PRKCH: variants seen among roughly 807,000 people sequenced by gnomAD.
PRKCH encodes protein kinase C eta type.
In PRKCH, 28 loss-of-function variants were observed where a neutral mutation model predicts 82.5. The ratio of observed to expected loss-of-function variants is 0.34; its 90% CI spans 0.25 to 0.47. The LOEUF (loss-of-function observed/expected upper bound fraction) is 0.47, where lower values mean the gene tolerates loss of function less well. Among genes scored for constraint, PRKCH ranks in the 20% least tolerant of loss-of-function variants. PRKCH has a pLI of 1.00. For missense variants in PRKCH, 705 were observed against 881.8 expected, an observed-to-expected ratio of 0.80 and a Z score of 2.54; for synonymous variants, 322 against 327.4, an observed-to-expected ratio of 0.98 and a Z score of 0.18.
intron 1 of PRKCH, among the ~76,000 whole-genome samples, chr14:61,208,647 G>A (rs942144494): frequency 5.3e-5 from 8 of 152,172 alleles, no homozygotes; most frequent in Middle Eastern, 3.4e-3. Flanking sequence ...GTCTTTAAGC[G>A]AACCAGGCAT....
At chr14:61,489,869 A>G (rs1886384273) in intron 10 of PRKCH, among the ~76,000 whole-genome samples, 1 of 152,146 alleles carries the variant, frequency 6.6e-6, no homozygotes, top group Admixed American at 6.5e-5. Context: ...TTAAAGGGAA[A>G]CTCAGCTGTC....
intron 1 of PRKCH, among the ~76,000 whole-genome samples, chr14:61,329,021 A>C (rs1261857151): frequency 2.0e-5 from 3 of 151,448 alleles, no homozygotes; most frequent in Non-Finnish European, 2.9e-5. Flanking sequence ...AGTCAACTAG[A>C]TTGTGTTCCC....
chr14:61,342,279 A>G (rs1023884784), intron 1 of PRKCH, among the ~76,000 whole-genome samples: 1 of 151,976 alleles, frequency 6.6e-6, no homozygotes, highest in East Asian at 1.9e-4. Context: ...ATTAGCATAT[A>G]ATATGATCAA....
intron 1 of PRKCH, among the ~76,000 whole-genome samples, chr14:61,246,411 GA>G (rs56223735): frequency 6.8e-6 from 1 of 146,772 alleles, no homozygotes; most frequent in African/African-American, 2.5e-5. Context: ...CTGTCTCAAA[GA>G]AAAAAAAAAA....
intron 1 of PRKCH, among the ~76,000 whole-genome samples, chr14:61,209,561 T>A (rs1381583606): frequency 1.3e-5 from 2 of 151,850 alleles, no homozygotes; most frequent in Non-Finnish European, 2.9e-5. Context: ...CATTAAAGGA[T>A]CCTTATACAG....
chr14:61,333,887 T>C (rs1187853791), intron 1 of PRKCH, among the ~76,000 whole-genome samples: 1 of 152,126 alleles, frequency 6.6e-6, no homozygotes, highest in Non-Finnish European at 1.5e-5. Context: ...TAAGACAAAA[T>C]GATGAGATTG....
At position 61,513,723 on chromosome 14, in the gene PRKCH, A is replaced by G. The variant is rs142430751; in HGVS notation, c.1434-15352A>G. The stretch of plus-strand genomic sequence containing the variant: ...TATTGTCATGTAGTATGACAGTATG[A>G]TAGTTTGTCATACTGTCAAATAGTT... On this transcript the variant is annotated intron_variant, in intron 10 of 13. Coordinates refer to ENST00000332981, the MANE Select transcript of PRKCH (RefSeq NM_006255.5). Among the ~76,000 whole-genome samples the G allele has an allele frequency of 2.5e-3, 388 of 152,254 alleles. 2 individuals are homozygous for G. Among genetic ancestry groups the G allele is most frequent in the African/African-American group, 9.0e-3 (373 of 41,512 alleles).
At chr14:61,205,032 G>A (rs995609477) in intron 1 of PRKCH, among the ~76,000 whole-genome samples, 16 of 152,010 alleles carry the variant, frequency 1.1e-4, no homozygotes, top group African/African-American at 3.9e-4. Flanking sequence ...TCTAATTTAA[G>A]CTTAATATAG....
At chr14:61,418,249 G>A (rs1882663229) in intron 2 of PRKCH, among the ~76,000 whole-genome samples, 1 of 152,214 alleles carries the variant, frequency 6.6e-6, no homozygotes, top group African/African-American at 2.4e-5. Flanking sequence ...GACAGGTCGA[G>A]CTCATTCATT....
intron 10 of PRKCH, among the ~76,000 whole-genome samples, chr14:61,516,961 G>A (rs2042837549): frequency 6.6e-6 from 1 of 152,144 alleles, no homozygotes; most frequent in Non-Finnish European, 1.5e-5. Context: ...GAGTGGTTCT[G>A]AAGTGCAAGT....
At chr14:61,464,375 GT>G (rs558783114) in intron 9 of PRKCH, among the ~76,000 whole-genome samples, 19 of 137,292 alleles carry the variant, frequency 1.4e-4, no homozygotes, top group Admixed American at 1.4e-4. Context: ...GTTTTGTTTT[GT>G]TTTTTTTTTT....
In PRKCH at chr14:61,280,120, T is replaced by G. The variant is rs1475102648; in HGVS notation, c.-19+92452T>G. On this transcript the variant is annotated intron_variant, in intron 1 of 3. Transcript: ENST00000555185. The surrounding 1 kb of genome is among the most constrained non-coding windows in gnomAD (Gnocchi z 5.0). ...CTCCTCGTCGTCGTCGTCCTGGTCCTGGTAGCGAATGTAGACGACCAGCAT... is the reference window on the plus strand; with the variant it reads ...CTCCTCGTCGTCGTCGTCCTGGTCCGGGTAGCGAATGTAGACGACCAGCAT... The G allele has an allele frequency of 2.5e-6, 4 of 1,613,490 alleles. No homozygotes were observed. Among genetic ancestry groups the G allele is most frequent in the Non-Finnish European group, 3.4e-6 (4 of 1,179,708 alleles).
chr14:61,541,236 C>T (rs1052879788), intron 12 of PRKCH, among the ~76,000 whole-genome samples: 5 of 152,364 alleles, frequency 3.3e-5, no homozygotes, highest in South Asian at 2.1e-4. Flanking sequence ...TCAGAATCTG[C>T]GTGTGCCAGC....
intron 1 of PRKCH, chr14:61,322,787 A>C (rs4902046): frequency 0.92 from 255,010 of 277,002 alleles, 117,716 homozygotes; most frequent in East Asian, 1. Context: ...TTTCAGCACG[A>C]GAGTGATAGG....
chr14:61,464,560 C>G (rs576198975), intron 9 of PRKCH, among the ~76,000 whole-genome samples: 29 of 152,224 alleles, frequency 1.9e-4, no homozygotes, highest in African/African-American at 6.5e-4. Context: ...CCTTGCCCTC[C>G]CACCCAACAG....
At chr14:61,513,039 T>TA (rs2042770174) in intron 10 of PRKCH, among the ~76,000 whole-genome samples, 1 of 152,140 alleles carries the variant, frequency 6.6e-6, no homozygotes, top group Admixed American at 6.5e-5. Context: ...AGCTGACACT[T>TA]ACAGTAACAG....
At chr14:61,296,421 T>C (rs1021339669) in intron 1 of PRKCH, among the ~76,000 whole-genome samples, 10 of 152,092 alleles carry the variant, frequency 6.6e-5, no homozygotes, top group African/African-American at 2.4e-4. Context: ...GCCCCCAGAG[T>C]TGGGTGGCAG....
chr14:61,252,072 T>G (rs766839124), intron 1 of PRKCH, among the ~76,000 whole-genome samples: 3 of 152,162 alleles, frequency 2.0e-5, no homozygotes, highest in Non-Finnish European at 2.9e-5. Flanking sequence ...ACTCCTGACC[T>G]CGTGATCTGC....
At chr14:61,450,538 G>A (rs1307092526) in intron 5 of PRKCH, among the ~76,000 whole-genome samples, 1 of 152,182 alleles carries the variant, frequency 6.6e-6, no homozygotes, top group Non-Finnish European at 1.5e-5. Flanking sequence ...GGTGTTAGGG[G>A]ATTGGCAAGG....
Sources: allele counts gnomAD v4.1 joint callset (sites outside exome capture counted in the v4.1 genomes callset), GRCh38; gene constraint gnomAD v4.1.1; non-coding constraint Gnocchi (gnomAD v3.1); transcripts MANE v1.5; gene names NCBI Gene and HGNC (gene_info 2026-07-23, HGNC 2026-07-21).